SACS: variants seen among roughly 807,000 people sequenced by gnomAD.
SACS encodes sacsin.
SACS carries 197 observed loss-of-function variants against 348.0 expected under a neutral mutation model. The observed-to-expected ratio is 0.57, with a 90% confidence interval of 0.50 to 0.64. SACS has a LOEUF of 0.64. Among genes scored for constraint, SACS ranks in the 30% least tolerant of loss-of-function variants. The pLI is 0.00. For missense variants in SACS, 4,999 were observed against 5,360.8 expected (o/e 0.93, Z 2.11); for synonymous variants, 1,985 against 1,910.6 (o/e 1.04, Z -1.02).
intron 1 of SACS, among the ~76,000 whole-genome samples, chr13:23,416,515 T>G (rs1431555450): frequency 6.6e-6 from 1 of 152,156 alleles, no homozygotes; most frequent in African/African-American, 2.4e-5. Flanking sequence ...CCTAGCACTT[T>G]GGGAGGCCAC....
At chr13:23,411,189 T>A in intron 2 of SACS, 31 bp downstream of exon 2, 3 of 1,575,868 alleles carry the variant, frequency 1.9e-6, no homozygotes, top group Non-Finnish European at 2.6e-6. Flanking sequence ...CCAATGCAAA[T>A]TATTGTCATT....
chr13:23,418,224 G>C (rs899570463), intron 1 of SACS, among the ~76,000 whole-genome samples: 2 of 152,014 alleles, frequency 1.3e-5, no homozygotes, highest in African/African-American at 2.4e-5. Flanking sequence ...AACAACCTAA[G>C]AGAAAAGCAG....
At chr13:23,391,832 T>C (rs1872536136) in intron 2 of SACS, among the ~76,000 whole-genome samples, 1 of 148,088 alleles carries the variant, frequency 6.8e-6, no homozygotes, top group Admixed American at 6.8e-5. Flanking sequence ...GCATGCCAGA[T>C]TGGCAGGAAA....
chr13:23,330,068 A>C lies in SACS; in HGVS notation c.*68T>G, dbSNP rs1360772864. The stretch of plus-strand genomic sequence containing the variant: ...TCCTAGCTAATTGGCAATGAAGCTT[A>C]ATGAAGTACAGCAATTTATTCGTGC... On this transcript the variant is annotated 3_prime_UTR_variant, in exon 10 of 10. Transcript: ENST00000382292. 3.6e-6 allele frequency: 5 copies of C among 1,385,800 alleles called. No individual in the cohort carries two copies. In the Admixed American group the frequency reaches 9.1e-5, roughly 25 times the overall value. The allele number at this position is 1,385,800 out of a possible 1,614,324, so 85.8% of individuals were successfully genotyped here. A position where few individuals can be genotyped will look rare whatever the true frequency, so the allele number is the denominator to read the frequency against.
chr13:23,350,024 G>A (rs1869854395), intron 9 of SACS, among the ~76,000 whole-genome samples: 1 of 152,176 alleles, frequency 6.6e-6, no homozygotes, highest in Admixed American at 6.5e-5. Flanking sequence ...ACGTATTTAG[G>A]GAGTGAAGTG....
chr13:23,335,391 T>C lies in SACS; in HGVS notation c.8485A>G (p.Met2829Val). Residue 2829 changes from methionine to valine, a missense_variant, in exon 10 of 10, where the codon ATG (methionine) becomes GTG (valine). Met to Val is a conservative substitution (Grantham distance 21). Around this residue, in one of 6 missense-constraint regions of SACS, gnomAD observed 3,156 missense variants for 3,380.1 expected, o/e 0.93. Coordinates refer to ENST00000382292, the MANE Select transcript of SACS (RefSeq NM_014363.6). This position sits in a 1 kb window ranked among gnomAD's most constrained non-coding sequence, Gnocchi z 4.7. ...LICNRSGFSSMEKVSKSVISA... is the reference protein window; with the variant it reads ...LICNRSGFSSVEKVSKSVISA... ...ATGACACTTTTAGATACTTTCTCCA[T>C]ACTTGAAAAGCCTGATCTATTACAA... The C allele has an allele frequency of 2.5e-6, 4 of 1,613,898 alleles. No homozygotes were observed. Among genetic ancestry groups the C allele is most frequent in the Non-Finnish European group, 3.4e-6 (4 of 1,179,868 alleles).
Position 23,330,234 on chromosome 13 carries a change from G to A in SACS, c.13642C>T (p.Pro4548Ser). The change falls in exon 10 of 10, where the codon CCA becomes TCA. Residue 4548 changes from proline (P) to serine (S), a missense_variant. Pro to Ser is a moderately conservative substitution (Grantham distance 74, BLOSUM62 -1). Transcript: ENST00000382292. ...ACCTCAGAAGTGAACCTGTCATTTG[G>A]GATCTGAGGAAAGGGAAGCAAATCA... ...YPDLLPFPQI[P>S]NDRFTSEVAM... 1 of 1,614,084 alleles carries A rather than the reference G, an allele frequency of 6.2e-7. No homozygotes were observed. The highest frequency in any genetic ancestry group is 8.5e-7 in the Non-Finnish European group (1 of 1,179,966).
chr13:23,414,792 G>C (rs1873635648), intron 1 of SACS, among the ~76,000 whole-genome samples: 1 of 152,142 alleles, frequency 6.6e-6, no homozygotes, highest in Non-Finnish European at 1.5e-5. Context: ...ATTTCTAACA[G>C]AATAGGATGA....
chr13:23,380,534 A>T (rs1566094473), intron 2 of SACS, among the ~76,000 whole-genome samples: 1 of 152,160 alleles, frequency 6.6e-6, no homozygotes, highest in Non-Finnish European at 1.5e-5. Flanking sequence ...AATAATAATA[A>T]CAACAATAAT....
In SACS at chr13:23,330,020, C is replaced by T; in HGVS notation, c.*116G>A. ...TAACAACTCCAGAATTCTCCAAGAA[C>T]AATCTGCAATGTGCTTAACAATTCC... On this transcript the variant is annotated 3_prime_UTR_variant, in exon 10 of 10. Coordinates refer to ENST00000382292, the MANE Select transcript of SACS (RefSeq NM_014363.6). 2 of 926,468 alleles carry T rather than the reference C, an allele frequency of 2.2e-6. No homozygotes were observed. Among genetic ancestry groups the T allele is most frequent in the Non-Finnish European group, 3.3e-6 (2 of 597,582 alleles). The allele number at this position is 926,468 out of a possible 1,614,324, so 57.4% of individuals were successfully genotyped here.
At chr13:23,409,465 T>G (rs1873396194) in intron 2 of SACS, among the ~76,000 whole-genome samples, 1 of 149,708 alleles carries the variant, frequency 6.7e-6, no homozygotes, top group African/African-American at 2.5e-5. Context: ...CAAGCGATTC[T>G]ACTGCCTCAG....
Position 23,337,500 on chromosome 13 carries a change from T to C in SACS, c.6376A>G (p.Ile2126Val). The C allele has an allele frequency of 1.2e-6, 2 of 1,613,910 alleles. No homozygotes were observed. The highest frequency in any genetic ancestry group is 8.5e-7 in the Non-Finnish European group (1 of 1,179,884). Residue 2126 changes from isoleucine to valine, a missense_variant, in exon 10 of 10, where the codon ATT becomes GTT. Ile to Val is a conservative substitution (Grantham distance 29, BLOSUM62 3). Coordinates refer to ENST00000382292, the MANE Select transcript of SACS (RefSeq NM_014363.6). ...CCATAAGGGAATCTCCCATCTTTAA[T>C]ATCAAATAACTTTGCAACTCGTCCT... ...PEGRVAKLFDIKDGRFPYGST... is the reference protein window; with the variant it reads ...PEGRVAKLFDVKDGRFPYGST...
Position 23,340,780 on chromosome 13 carries a change from C to T in SACS, c.3096G>A (p.Glu1032=), listed in dbSNP as rs529746813. 2.8e-5 allele frequency: 45 copies of T among 1,606,548 alleles called. No homozygotes were observed. In the South Asian group the frequency reaches 4.5e-4, roughly 16 times the overall value. The change falls in exon 10 of 10, where the codon GAG becomes GAA. Residue 1032 remains glutamate, a synonymous_variant. Transcript: ENST00000382292. ...SLKNENPNVL[E]WLTPLKFIQI... ...GGATGAATTTTAATGGTGTTAACCA[C>T]TCAAGCACATTTGGATTCTCATTTT...
chr13:23,388,119 T>A (rs1872370482), intron 2 of SACS, among the ~76,000 whole-genome samples: 1 of 152,010 alleles, frequency 6.6e-6, no homozygotes, highest in Admixed American at 6.6e-5. Context: ...AGAAGAGACG[T>A]CATTATATCA....
chr13:23,381,836 T>C (rs1177775917), intron 2 of SACS, among the ~76,000 whole-genome samples: 1 of 152,240 alleles, frequency 6.6e-6, no homozygotes, highest in Non-Finnish European at 1.5e-5. Context: ...ATATTGTCAA[T>C]GAACAGTTCA....
chr13:23,354,019 TA>T, intron 8 of SACS, 143 bp from the exon 9 acceptor site: 1 of 654,352 alleles, frequency 1.5e-6, no homozygotes, highest in South Asian at 1.9e-5. Flanking sequence ...CAAATTACAA[TA>T]TTTTTGATCA....
chr13:23,404,728 G>A (rs532801989), intron 2 of SACS, among the ~76,000 whole-genome samples: 40 of 152,218 alleles, frequency 2.6e-4, no homozygotes, highest in African/African-American at 8.9e-4. Context: ...AGCAGTCTCA[G>A]GACACAAAAT....
chr13:23,367,512 T>C (rs949348240), intron 5 of SACS, among the ~76,000 whole-genome samples: 12 of 152,268 alleles, frequency 7.9e-5, no homozygotes, highest in African/African-American at 2.9e-4. Flanking sequence ...AAGTTTCTTA[T>C]TAAACACAAA....
intron 6 of SACS, among the ~76,000 whole-genome samples, chr13:23,362,850 T>A (rs573015028): frequency 6.6e-6 from 1 of 152,078 alleles, no homozygotes; most frequent in Non-Finnish European, 1.5e-5. Context: ...CCTCTCAAAG[T>A]GCTGGGATTA....
Sources: allele counts gnomAD v4.1 joint callset (sites outside exome capture counted in the v4.1 genomes callset), GRCh38; gene constraint gnomAD v4.1.1; regional missense constraint gnomAD v4.1.1; non-coding constraint Gnocchi (gnomAD v3.1); transcripts MANE v1.5; gene names NCBI Gene and HGNC (gene_info 2026-07-23, HGNC 2026-07-21).